SOBP: variants seen among roughly 807,000 people sequenced by gnomAD.
SOBP encodes sine oculis-binding protein homolog.
Under a neutral mutation model 53.6 loss-of-function variants are expected in SOBP, and 4 were observed. The observed-to-expected ratio is 0.07, with a 90% CI of 0.04 to 0.17. The LOEUF is 0.17. SOBP is among the 10% of genes least tolerant of loss of function. The probability of loss-of-function intolerance (pLI) is 1.00; values close to 1 mark genes in which losing one functional copy is unlikely to be tolerated. For synonymous variants in SOBP, 584 were observed against 522.6 expected (o/e 1.12, Z -1.60); for missense variants, 1,088 against 1,204.7 (o/e 0.90, Z 1.43).
intron 3 of SOBP, among the ~76,000 whole-genome samples, chr6:107,518,473 A>G (rs1157565401): frequency 6.6e-6 from 1 of 152,236 alleles, no homozygotes; most frequent in Non-Finnish European, 1.5e-5. Flanking sequence ...GCAATAATTT[A>G]TACAATTAAG....
chr6:107,655,314 G>A (rs1527874), intron 6 of SOBP, among the ~76,000 whole-genome samples: 101,795 of 151,824 alleles, frequency 0.67, 37,242 homozygotes, highest in Non-Finnish European at 0.84. Context: ...CATTTTCATC[G>A]ATTCCAGAGT....
chr6:107,556,431 T>C (rs1235625980), intron 4 of SOBP, among the ~76,000 whole-genome samples: 1 of 152,224 alleles, frequency 6.6e-6, no homozygotes, highest in African/African-American at 2.4e-5. Flanking sequence ...ACCTGAAATC[T>C]CATAATGCTC....
intron 5 of SOBP, among the ~76,000 whole-genome samples, chr6:107,617,311 A>G (rs1786828234): frequency 6.6e-6 from 1 of 152,154 alleles, no homozygotes; most frequent in South Asian, 2.1e-4. Context: ...CTCTCGAGAT[A>G]AGATTAATTT....
chr6:107,534,574 A>G (rs1178053703), intron 4 of SOBP, among the ~76,000 whole-genome samples: 2 of 152,234 alleles, frequency 1.3e-5, no homozygotes, highest in Non-Finnish European at 2.9e-5. Context: ...GATATTTGCA[A>G]TCCTGAAATG....
chr6:107,491,277 G>GCCCGCC (rs1782574412), intron 1 of SOBP, among the ~76,000 whole-genome samples: 1 of 152,052 alleles, frequency 6.6e-6, no homozygotes, highest in African/African-American at 2.4e-5. Context: ...CGCTCTCCTC[G>GCCCGCC]CCCGCCCCCG....
intron 5 of SOBP, among the ~76,000 whole-genome samples, chr6:107,621,509 A>G (rs1191162809): frequency 2.0e-5 from 3 of 152,206 alleles, no homozygotes; most frequent in Non-Finnish European, 4.4e-5. Context: ...AGTCCAGCAC[A>G]TCCCTCCCAC....
chr6:107,530,464 A>G (rs1160138694), intron 3 of SOBP, among the ~76,000 whole-genome samples: 1 of 152,094 alleles, frequency 6.6e-6, no homozygotes, highest in African/African-American at 2.4e-5. Flanking sequence ...TGATGACAGA[A>G]TTTTGAACTA....
chr6:107,561,550 C>T (rs1251476819), intron 4 of SOBP, among the ~76,000 whole-genome samples: 1 of 152,128 alleles, frequency 6.6e-6, no homozygotes, highest in Non-Finnish European at 1.5e-5. Context: ...CTGGGCTGGG[C>T]CATTTCTCTG....
At chr6:107,572,479 T>G (rs1785101767) in intron 4 of SOBP, among the ~76,000 whole-genome samples, 1 of 152,082 alleles carries the variant, frequency 6.6e-6, no homozygotes, top group South Asian at 2.1e-4. Flanking sequence ...AGTTTTTGTA[T>G]TTTTAGTAGA....
Position 107,633,657 on chromosome 6 carries a change from T to G in SOBP, c.813T>G (p.Leu271=). ...DIFYKETQAN[L]PAGLCSTLHP... ...TCTACAAAGAGACCCAGGCCAATCT[T>G]CCAGCTGGGCTGTGCAGCACATTAC... Residue 271 remains leucine (L), a synonymous_variant, in exon 6 of 7, where the codon CTT becomes CTG. Transcript: ENST00000317357. 1 of 1,614,234 alleles carries G rather than the reference T, an allele frequency of 6.2e-7. No individual in the cohort carries two copies. The highest frequency in any genetic ancestry group is 8.5e-7 in the Non-Finnish European group (1 of 1,180,044).
Position 107,635,317 on chromosome 6 carries a change from G to A in SOBP, c.2473G>A (p.Gly825Ser). 6.2e-7 allele frequency: 1 copy of A among 1,613,664 alleles called. No individual in the cohort carries two copies. The highest frequency in any genetic ancestry group is 8.5e-7 in the Non-Finnish European group (1 of 1,180,010). The change falls in exon 6 of 7, where the codon GGC becomes AGC. Residue 825 changes from glycine (G) to serine (S), a missense_variant. Gly to Ser is a moderately conservative substitution (Grantham distance 56, BLOSUM62 0). Around this residue, in one of 6 missense-constraint regions of SOBP, gnomAD observed 665 missense variants for 629.7 expected, o/e 1.06. Transcript: ENST00000317357. The surrounding 1 kb of genome is among the most constrained non-coding windows in gnomAD (Gnocchi z 4.5). ...AYALRMLPKT[G>S]CVIQPVPKPA... The stretch of plus-strand genomic sequence containing the variant: ...TGCTCTGCGGATGCTGCCCAAGACC[G>A]GCTGCGTGATCCAGCCTGTGCCAAA...
At chr6:107,578,241 C>T (rs1212850982) in intron 4 of SOBP, among the ~76,000 whole-genome samples, 2 of 151,900 alleles carry the variant, frequency 1.3e-5, no homozygotes, top group African/African-American at 4.8e-5. Context: ...CCGCACCCTC[C>T]CTCCCTTCCC....
intron 4 of SOBP, among the ~76,000 whole-genome samples, chr6:107,556,517 T>C (rs1157567113): frequency 6.6e-6 from 1 of 152,236 alleles, no homozygotes; most frequent in African/African-American, 2.4e-5. Flanking sequence ...ACCAAATCAC[T>C]AAATACTATT....
intron 6 of SOBP, among the ~76,000 whole-genome samples, chr6:107,653,855 A>G (rs1450920248): frequency 5.3e-5 from 8 of 152,202 alleles, no homozygotes; most frequent in Non-Finnish European, 1.2e-4. Flanking sequence ...ATGGAATGCT[A>G]ACAGTGAAAG....
At position 107,506,346 on chromosome 6, in the gene SOBP, T is replaced by C; in HGVS notation, c.340T>C (p.Ser114Pro). Residue 114 changes from serine (S) to proline (P), a missense_variant, in exon 3 of 7, where the codon TCA becomes CCA. Around this residue, in one of 6 missense-constraint regions of SOBP, gnomAD observed 112 missense variants for 117.9 expected, o/e 0.95. Coordinates refer to ENST00000317357, the MANE Select transcript of SOBP (RefSeq NM_018013.4). ...TGCCACTGGAAATGGACTCAGTGAC[T>C]CACCTGCAGGGTCAAAGGATCATGG... is the stretch of plus-strand genomic sequence containing the variant. ...GLATGNGLSD[S>P]PAGSKDHGSV... The C allele has an allele frequency of 6.2e-7, 1 of 1,614,198 alleles. No individual in the cohort carries two copies. The highest frequency in any genetic ancestry group is 8.5e-7 in the Non-Finnish European group (1 of 1,180,018).
At chr6:107,604,712 C>T (rs187681274) in intron 5 of SOBP, among the ~76,000 whole-genome samples, 10 of 152,278 alleles carry the variant, frequency 6.6e-5, no homozygotes, top group East Asian at 1.9e-4. Context: ...CCCCCAGTGA[C>T]GTGGCATAAT....
chr6:107,542,476 G>A (rs1223899134), intron 4 of SOBP, among the ~76,000 whole-genome samples: 1 of 152,134 alleles, frequency 6.6e-6, no homozygotes, highest in African/African-American at 2.4e-5. Flanking sequence ...AAGTGTGATG[G>A]CAGCTATTGG....
chr6:107,635,075 A>AGCCGCCGCC lies in SOBP; in HGVS notation c.2244_2252dup (p.Pro749_Pro751dup), dbSNP rs541688197. 415 of 1,564,954 alleles carry AGCCGCCGCC rather than the reference A, an allele frequency of 2.7e-4. 4 individuals are homozygous for AGCCGCCGCC. The East Asian group carries it at 9.1e-3, about 34-fold the overall frequency. On this transcript the variant is annotated inframe_insertion, in exon 6 of 7. Coordinates refer to ENST00000317357, the MANE Select transcript of SOBP (RefSeq NM_018013.4). The surrounding 1 kb of genome is among the most constrained non-coding windows in gnomAD (Gnocchi z 4.5). ...AAGAGCGCGGAGCCGCCTCCCGAGCAGCCGCCGCCGCCGCCGCCGCCCGCG... is the reference window on the plus strand; with the variant it reads ...AAGAGCGCGGAGCCGCCTCCCGAGCAGCCGCCGCCGCCGCCGCCGCCGCCGCCGCCCGCG...
At chr6:107,539,780 C>T (rs1390731523) in intron 4 of SOBP, among the ~76,000 whole-genome samples, 3 of 152,212 alleles carry the variant, frequency 2.0e-5, no homozygotes, top group Admixed American at 2.0e-4. Context: ...ACATTTCCAA[C>T]TCTCTCACCT....
Sources: allele counts gnomAD v4.1 joint callset (sites outside exome capture counted in the v4.1 genomes callset), GRCh38; gene constraint gnomAD v4.1.1; regional missense constraint gnomAD v4.1.1; non-coding constraint Gnocchi (gnomAD v3.1); transcripts MANE v1.5; gene names NCBI Gene and HGNC (gene_info 2026-07-23, HGNC 2026-07-21).